RILPL1: variants seen among roughly 807,000 people sequenced by gnomAD.
The protein encoded by RILPL1 is RILP-like protein 1.
Under a neutral mutation model 50.3 loss-of-function variants are expected in RILPL1, and 33 were observed. The observed-to-expected ratio is 0.66, with a 90% CI of 0.50 to 0.88. The LOEUF (loss-of-function observed/expected upper bound fraction) is 0.88, where lower values mean the gene tolerates loss of function less well. Ranked by LOEUF, RILPL1 falls within the 40% of genes least tolerant of loss-of-function variation. The pLI, the probability that RILPL1 is intolerant of heterozygous loss-of-function variation, is 0.00. For synonymous variants in RILPL1, 205 were observed against 228.6 expected (o/e 0.90, Z 0.93); for missense variants, 418 against 542.5 (o/e 0.77, Z 2.28).
At chr12:123,521,630 CACACATATGTG>C (rs1566144291) in intron 2 of RILPL1, among the ~76,000 whole-genome samples, 530 of 7,356 alleles carry the variant, frequency 0.072, 15 homozygotes, top group African/African-American at 0.12. Flanking sequence ...TATATATATA[CACACATATGTG>C]TATATATATA....
chr12:123,523,149 T>C (rs1348301410), intron 2 of RILPL1, among the ~76,000 whole-genome samples: 1 of 152,040 alleles, frequency 6.6e-6, no homozygotes, highest in East Asian at 1.9e-4. Flanking sequence ...TGTCTGTGTG[T>C]TTACATGTTA....
chr12:123,510,855 GGTGT>G (rs1229906894), intron 2 of RILPL1, among the ~76,000 whole-genome samples: 1 of 131,798 alleles, frequency 7.6e-6, no homozygotes, highest in Admixed American at 7.7e-5. Context: ...GTGTGTGTGT[GGTGT>G]GTGAGGTCTG....
At chr12:123,490,969 T>C (rs988411963) in intron 4 of RILPL1, among the ~76,000 whole-genome samples, 7 of 151,166 alleles carry the variant, frequency 4.6e-5, no homozygotes, top group African/African-American at 1.7e-4. Context: ...AGGCTGGTCT[T>C]AAACTCCTGA....
chr12:123,524,119 AG>A (rs1390930589), intron 1 of RILPL1, among the ~76,000 whole-genome samples: 3 of 152,234 alleles, frequency 2.0e-5, no homozygotes, highest in East Asian at 3.9e-4. Context: ...TATCTGATCC[AG>A]GTATCTCTCC....
chr12:123,533,206 C>A lies in RILPL1; in HGVS notation c.277G>T (p.Asp93Tyr). The A allele has an allele frequency of 6.3e-7, 1 of 1,585,092 alleles. No individual in the cohort carries two copies. The highest frequency in any genetic ancestry group is 8.5e-7 in the Non-Finnish European group (1 of 1,171,996). Reference protein sequence around the residue: ...ELDRLRLERMDRIEKERKHQK... With the variant: ...ELDRLRLERMYRIEKERKHQK... ...TGCTTGCGCTCCTTCTCGATGCGGT[C>A]CATCCTCTCCAGGCGCAGGCGGTCC... is the stretch of plus-strand genomic sequence containing the variant. The change falls in exon 1 of 7, where the codon GAC becomes TAC. Residue 93 changes from aspartate (D) to tyrosine (Y), a missense_variant. Coordinates refer to ENST00000376874, the MANE Select transcript of RILPL1 (RefSeq NM_178314.5). This position sits in a 1 kb window ranked among gnomAD's most constrained non-coding sequence, Gnocchi z 6.2.
intron 2 of RILPL1, among the ~76,000 whole-genome samples, chr12:123,511,065 CTGTG>C (rs1286532690): frequency 1.6e-4 from 9 of 55,898 alleles, no homozygotes; most frequent in South Asian, 5.8e-4. Flanking sequence ...TGTGTGGGGT[CTGTG>C]TGTGTGTGAG....
At chr12:123,500,517 T>G (rs938377196) in intron 2 of RILPL1, among the ~76,000 whole-genome samples, 1 of 142,556 alleles carries the variant, frequency 7.0e-6, no homozygotes, top group Non-Finnish European at 1.5e-5. Context: ...ACTCCTGACT[T>G]CAAGTGATCC....
chr12:123,528,388 C>G (rs566242400), intron 1 of RILPL1, among the ~76,000 whole-genome samples: 2 of 147,812 alleles, frequency 1.4e-5, no homozygotes, highest in Admixed American at 1.4e-4. Context: ...CACATTTCTG[C>G]TGTTTTGAGC....
intron 6 of RILPL1, chr12:123,475,663 A>G (rs1324463126): frequency 6.3e-7 from 1 of 1,582,926 alleles, no homozygotes; most frequent in Non-Finnish European, 8.6e-7. Flanking sequence ...CAGTGCCTAC[A>G]AGGGAAACAA....
chr12:123,491,404 C>T lies in RILPL1; in HGVS notation c.802-5599G>A, dbSNP rs902344899. On this transcript the variant is annotated intron_variant, in intron 4 of 6. Transcript: ENST00000376874. This position sits in a 1 kb window ranked among gnomAD's most constrained non-coding sequence, Gnocchi z 4.0. The stretch of plus-strand genomic sequence containing the variant: ...GCCCAAGAGACCAACTAACAAGCCA[C>T]GAGGCTGCCCAGAGGCCTTAGGGAG... Among the ~76,000 whole-genome samples, 2 of 152,182 alleles carry T rather than the reference C, an allele frequency of 1.3e-5. No homozygotes were observed. The highest frequency in any genetic ancestry group is 2.4e-5 in the African/African-American group (1 of 41,458).
At chr12:123,481,559 C>CTTTTT (rs113872165) in intron 6 of RILPL1, among the ~76,000 whole-genome samples, 3 of 141,902 alleles carry the variant, frequency 2.1e-5, no homozygotes, top group Non-Finnish European at 4.6e-5. Flanking sequence ...AATTTGTTTT[C>CTTTTT]TTTTTTTTTT....
At position 123,533,396 on chromosome 12, in the gene RILPL1, G is replaced by A. The variant is rs1885516030; in HGVS notation, c.87C>T (p.Asp29=). 8.4e-6 allele frequency: 13 copies of A among 1,555,384 alleles called. No individual in the cohort carries two copies. The highest frequency in any genetic ancestry group is 1.1e-5 in the Non-Finnish European group (13 of 1,150,988). ...ACTCGTGGCCCACAAGCGACGCGAT[G>A]TCGTACACGTCCATGACGGTCAGCT... ...VAELTVMDVY[D]IASLVGHEFE... The change falls in exon 1 of 7, where the codon GAC becomes GAT. Residue 29 remains aspartate, a synonymous_variant. Transcript: ENST00000376874. This position sits in a 1 kb window ranked among gnomAD's most constrained non-coding sequence, Gnocchi z 6.2.
At chr12:123,502,216 G>T (rs1411186949) in intron 2 of RILPL1, among the ~76,000 whole-genome samples, 2 of 152,172 alleles carry the variant, frequency 1.3e-5, no homozygotes, top group African/African-American at 4.8e-5. Context: ...AATAAGGAGG[G>T]TTACATAATT....
In RILPL1 at chr12:123,491,679, C is replaced by T. The variant is rs935207794; in HGVS notation, c.802-5874G>A. 6.6e-6 allele frequency among the ~76,000 whole-genome samples: 1 copy of T among 152,184 alleles called. No individual in the cohort carries two copies. Among genetic ancestry groups the T allele is most frequent in the South Asian group, 2.1e-4 (1 of 4,832 alleles). ...TGTCTGCTTTCCCTATGCAGGCAGC[C>T]CGCACTTTACAAAACAAAAACAAAA... On this transcript the variant is annotated intron_variant, in intron 4 of 6. Transcript: ENST00000376874. The surrounding 1 kb of genome is among the most constrained non-coding windows in gnomAD (Gnocchi z 4.0).
intron 1 of RILPL1, among the ~76,000 whole-genome samples, chr12:123,524,887 C>CT (rs71088925): frequency 0.99 from 150,135 of 152,270 alleles, 74,053 homozygotes; most frequent in Middle Eastern, 1. Flanking sequence ...AATCCCAGCA[C>CT]TTGGGAGGCC....
chr12:123,472,769 G>T, intron 6 of RILPL1, 87 bp from the exon 7 acceptor site: 4 of 1,423,018 alleles, frequency 2.8e-6, no homozygotes, highest in Non-Finnish European at 3.8e-6. Flanking sequence ...ACATATAGCA[G>T]CAAACTTAGA....
chr12:123,526,181 C>A (rs1885249896), intron 1 of RILPL1, among the ~76,000 whole-genome samples: 1 of 152,010 alleles, frequency 6.6e-6, no homozygotes, highest in South Asian at 2.1e-4. Flanking sequence ...TGGTGGGCAC[C>A]TGTAATCCCC....
chr12:123,485,340 G>C lies in RILPL1; in HGVS notation c.974+293C>G. ...TTCATTCATTTAAAAAAAGAGATGAGGTCTCGCTTTGTTGCCCAGGCTAGT... is the reference window on the plus strand; with the variant it reads ...TTCATTCATTTAAAAAAAGAGATGACGTCTCGCTTTGTTGCCCAGGCTAGT... On this transcript the variant is annotated intron_variant, in intron 5 of 6. Transcript: ENST00000376874. This position sits in a 1 kb window ranked among gnomAD's most constrained non-coding sequence, Gnocchi z 4.0. The C allele has an allele frequency of 2.0e-6, 1 of 505,324 alleles. No homozygotes were observed. Among genetic ancestry groups the C allele is most frequent in the Non-Finnish European group, 3.8e-6 (1 of 266,496 alleles). The allele number at this position is 505,324 out of a possible 1,614,324, so 31.3% of individuals were successfully genotyped here. A position where few individuals can be genotyped will look rare whatever the true frequency, so the allele number is the denominator to read the frequency against.
intron 2 of RILPL1, chr12:123,513,329 C>A (rs1030970626): frequency 2.6e-6 from 1 of 385,208 alleles, no homozygotes; most frequent in Non-Finnish European, 5.4e-6. Flanking sequence ...CCCGACATGC[C>A]CTGTCCTGGG....
Sources: gnomAD v4.1 joint callset for allele counts (sites outside exome capture counted in the v4.1 genomes callset) on GRCh38, gnomAD v4.1.1 for gene constraint, Gnocchi (gnomAD v3.1) non-coding constraint, MANE v1.5 for transcripts, NCBI Gene and HGNC (gene_info 2026-07-23, HGNC 2026-07-21) for gene names.